Variants in CACNA1I observed in about 807,000 individuals in gnomAD.
The protein encoded by CACNA1I is calcium voltage-gated channel subunit alpha1 I.
A neutral mutation model predicts 201.6 loss-of-function variants in CACNA1I; 74 were observed. The ratio of observed to expected loss-of-function variants is 0.37; its 90% CI spans 0.30 to 0.45. The LOEUF is 0.45. Ranked by LOEUF, CACNA1I falls within the 20% of genes least tolerant of loss-of-function variation. The probability of loss-of-function intolerance (pLI) is 1.00; values close to 1 mark genes in which losing one functional copy is unlikely to be tolerated. For missense variants in CACNA1I, 2,346 were observed against 3,138.1 expected, an observed-to-expected ratio of 0.75 and a Z score of 6.03; for synonymous variants, 1,431 against 1,345.2, an observed-to-expected ratio of 1.06 and a Z score of -1.40.
chr22:39,677,467 C>T lies in CACNA1I; in HGVS notation c.4933+48C>T, dbSNP rs753474570. 7.5e-6 allele frequency: 10 copies of T among 1,329,670 alleles called. No homozygotes were observed. In the Admixed American group the frequency reaches 2.3e-4, roughly 31 times the overall value. The allele number at this position is 1,329,670 out of a possible 1,614,324, so 82.4% of individuals were successfully genotyped here. On this transcript the variant is annotated intron_variant, in intron 30 of 36. Coordinates refer to ENST00000402142, the MANE Select transcript of CACNA1I (RefSeq NM_021096.4). The surrounding 1 kb of genome is among the most constrained non-coding windows in gnomAD (Gnocchi z 4.8). Reference sequence around the variant, plus strand: ...CCGTGGTGGGGGTGCAGCAGGGCTGCAGGAGGAACTGGGGGGGCGGGGGAG... The same window carrying T: ...CCGTGGTGGGGGTGCAGCAGGGCTGTAGGAGGAACTGGGGGGGCGGGGGAG...
In CACNA1I at chr22:39,679,772, G is replaced by T. The variant is rs753671957; in HGVS notation, c.5445G>T (p.Glu1815Asp). ...CTTTAATCATCAAGGACTCCTTGGA[G>T]GGGGAGCTGACCATCATCGACAACC... ...SVSLIIKDSL[E>D]GELTIIDNLS... The change falls in exon 33 of 37, where the codon GAG becomes GAT. Residue 1815 changes from glutamate to aspartate, a missense_variant. By Grantham distance (45) the Glu-to-Asp change is conservative (BLOSUM62 2). This residue lies in a region of CACNA1I where 441 missense variants were observed against 555.6 expected (regional missense o/e 0.79). Transcript: ENST00000402142. The T allele has an allele frequency of 1.2e-6, 2 of 1,613,020 alleles. No individual in the cohort carries two copies. Among genetic ancestry groups the T allele is most frequent in the East Asian group, 2.2e-5 (1 of 44,856 alleles).
At position 39,641,110 on chromosome 22, in the gene CACNA1I, G is replaced by A. The variant is rs758711913; in HGVS notation, c.984G>A (p.Thr328=). The change falls in exon 6 of 37, where the codon ACG becomes ACA. Residue 328 remains threonine, a synonymous_variant. Transcript: ENST00000402142. ...ACCGTTACTACAATGTGTGCCGCAC[G>A]GGCAGCGCCAACCCCCACAAGGGTG... ...NWNRYYNVCR[T]GSANPHKGAI... 1.1e-5 allele frequency: 17 copies of A among 1,613,898 alleles called. No individual in the cohort carries two copies. The African/African-American group carries it at 1.5e-4, about 14-fold the overall frequency.
rs970004558 is a variant in CACNA1I at position 39,586,649 on chromosome 22, A to G, written c.237-11502A>G. Among the ~76,000 whole-genome samples, 4 of 152,208 alleles carry G rather than the reference A, an allele frequency of 2.6e-5. No individual in the cohort carries two copies. In the East Asian group the frequency reaches 7.7e-4, roughly 29 times the overall value. ...GAGAATGCCTGCTGCATCTGTGTGC[A>G]CACGTGTATAAGGGGTGCAGGTGCA... On this transcript the variant is annotated intron_variant, in intron 1 of 36. Coordinates refer to ENST00000402142, the MANE Select transcript of CACNA1I (RefSeq NM_021096.4).
rs1935830409 is a variant in CACNA1I at position 39,685,427 on chromosome 22, TGGG to T, written c.6028-330_6028-328del. Reference sequence around the variant, plus strand: ...CCAAGGCTGGGGCCGCGTCAGACCATGGGGGGTGCGGTGGGGGTGCCACGTGCC... The same window carrying T: ...CCAAGGCTGGGGCCGCGTCAGACCATGGGTGCGGTGGGGGTGCCACGTGCC... On this transcript the variant is annotated intron_variant, in intron 36 of 36. Transcript: ENST00000402142. The surrounding 1 kb of genome is among the most constrained non-coding windows in gnomAD (Gnocchi z 5.0). 2.0e-4 allele frequency among the ~76,000 whole-genome samples: 1 copy of T among 4,936 alleles called. No individual in the cohort carries two copies. The highest frequency in any genetic ancestry group is 5.1e-3 in the South Asian group (1 of 196). The allele number at this position is 4,936 out of a possible 152,430, so 3.2% of individuals were successfully genotyped here.
intron 1 of CACNA1I, 50 bp downstream of exon 1, chr22:39,571,038 G>T (rs747457243): frequency 1.3e-5 from 19 of 1,495,586 alleles, no homozygotes; most frequent in Middle Eastern, 3.4e-4. Flanking sequence ...GCTGAAGGGT[G>T]GGGGGCTGGA....
rs1934557076 is a variant in CACNA1I at position 39,648,476 on chromosome 22, C to T, written c.1567+550C>T. Reference sequence around the variant, plus strand: ...ACGAGAGTTGGCTGTCGCCCCACGTCCAGGTGGGAGCAGTGAGCCGGCGCT... The same window carrying T: ...ACGAGAGTTGGCTGTCGCCCCACGTTCAGGTGGGAGCAGTGAGCCGGCGCT... On this transcript the variant is annotated intron_variant, in intron 9 of 36. Coordinates refer to ENST00000402142, the MANE Select transcript of CACNA1I (RefSeq NM_021096.4). This position sits in a 1 kb window ranked among gnomAD's most constrained non-coding sequence, Gnocchi z 5.4. Among the ~76,000 whole-genome samples, 1 of 152,112 alleles carries T rather than the reference C, an allele frequency of 6.6e-6. No individual in the cohort carries two copies.
At position 39,649,149 on chromosome 22, in the gene CACNA1I, C is replaced by T. The variant is rs1934575425; in HGVS notation, c.1568-352C>T. ...CACATCTAGTTCCCAAGCTGCACGA[C>T]TGGGGCTCTGGGTCTGTTCCATGCT... On this transcript the variant is annotated intron_variant, in intron 9 of 36. Transcript: ENST00000402142. This position sits in a 1 kb window ranked among gnomAD's most constrained non-coding sequence, Gnocchi z 7.3. Among the ~76,000 whole-genome samples, 1 of 152,234 alleles carries T rather than the reference C, an allele frequency of 6.6e-6. No homozygotes were observed. Among genetic ancestry groups the T allele is most frequent in the South Asian group, 2.1e-4 (1 of 4,832 alleles).
chr22:39,647,754 T>C (rs1304945707), intron 8 of CACNA1I, 68 bp from the exon 9 acceptor site: 1 of 1,133,390 alleles, frequency 8.8e-7, no homozygotes, highest in Non-Finnish European at 1.3e-6. Context: ...GCCCTGTTGG[T>C]TGCCTCATCT....
chr22:39,626,710 C>T (rs1000713205), intron 4 of CACNA1I, among the ~76,000 whole-genome samples: 1 of 152,200 alleles, frequency 6.6e-6, no homozygotes, highest in East Asian at 1.9e-4. Flanking sequence ...GATTCTCCTG[C>T]CTCAGCCTCC....
chr22:39,607,529 A>G (rs960119437), intron 3 of CACNA1I, among the ~76,000 whole-genome samples: 4 of 152,220 alleles, frequency 2.6e-5, no homozygotes, highest in Non-Finnish European at 4.4e-5. Context: ...GCAGCCTCTA[A>G]TCAGGAGGAC....
chr22:39,591,222 C>T (rs555760495), intron 1 of CACNA1I, among the ~76,000 whole-genome samples: 166 of 148,606 alleles, frequency 1.1e-3, no homozygotes, highest in South Asian at 2.1e-3. Context: ...TGCAATGGCG[C>T]GATCTCAGCT....
At chr22:39,625,515 G>C (rs1408563949) in intron 4 of CACNA1I, among the ~76,000 whole-genome samples, 2 of 152,176 alleles carry the variant, frequency 1.3e-5, no homozygotes, top group African/African-American at 2.4e-5. Flanking sequence ...AACAAAGCAG[G>C]AGGATAAACT....
At chr22:39,680,764 G>A (rs938808739) in intron 33 of CACNA1I, among the ~76,000 whole-genome samples, 166 bp from the exon 34 acceptor site, 1 of 152,024 alleles carries the variant, frequency 6.6e-6, no homozygotes, top group Non-Finnish European at 1.5e-5. Context: ...CCCAGGCTGG[G>A]CCCCTGCACA....
rs117016960 is a variant in CACNA1I at position 39,671,288 on chromosome 22, C to T, written c.4539+334C>T. Reference sequence around the variant, plus strand: ...CTACATATATGAACTCTTTAATCCTCGCAGCAATCCTAAGGCTGGCAGGGG... The same window carrying T: ...CTACATATATGAACTCTTTAATCCTTGCAGCAATCCTAAGGCTGGCAGGGG... On this transcript the variant is annotated intron_variant, in intron 26 of 36. Transcript: ENST00000402142. Among the ~76,000 whole-genome samples the T allele has an allele frequency of 1.6e-4, 24 of 152,284 alleles. No individual in the cohort carries two copies. In the East Asian group the frequency reaches 1.9e-3, roughly 12 times the overall value.
At chr22:39,574,398 C>T (rs567564153) in intron 1 of CACNA1I, among the ~76,000 whole-genome samples, 17 of 152,004 alleles carry the variant, frequency 1.1e-4, no homozygotes, top group Non-Finnish European at 1.5e-4. Context: ...ACCCAGGAGA[C>T]GTGGCTGTCC....
intron 4 of CACNA1I, among the ~76,000 whole-genome samples, chr22:39,626,736 A>T (rs2146402809): frequency 6.6e-6 from 1 of 152,236 alleles, no homozygotes; most frequent in Non-Finnish European, 1.5e-5. Flanking sequence ...AGCTGGGACT[A>T]CAGGCGTGTG....
intron 6 of CACNA1I, among the ~76,000 whole-genome samples, chr22:39,642,446 C>T (rs761459711): frequency 1.1e-4 from 16 of 151,992 alleles, no homozygotes; most frequent in Non-Finnish European, 2.1e-4. Flanking sequence ...ACAGAAGAAG[C>T]GGCTGAGACT....
At position 39,676,491 on chromosome 22, in the gene CACNA1I, G is replaced by A. The variant is rs1362691560; in HGVS notation, c.4855-850G>A. Among the ~76,000 whole-genome samples, 18 of 152,208 alleles carry A rather than the reference G, an allele frequency of 1.2e-4. No individual in the cohort carries two copies. The highest frequency in any genetic ancestry group is 2.6e-4 in the Non-Finnish European group (18 of 68,034). ...GGTTCTAAGAGATATTTCATTTCTA[G>A]GGCAAGAATGTGTTTTAGCCTTATC... On this transcript the variant is annotated intron_variant, in intron 29 of 36. Transcript: ENST00000402142. The surrounding 1 kb of genome is among the most constrained non-coding windows in gnomAD (Gnocchi z 4.8).
chr22:39,625,565 G>A (rs112395308), intron 4 of CACNA1I, among the ~76,000 whole-genome samples: 2 of 152,170 alleles, frequency 1.3e-5, no homozygotes, highest in East Asian at 1.9e-4. Flanking sequence ...CAGGATGAGC[G>A]GGGGACATGG....
Sources: allele counts gnomAD v4.1 joint callset (sites outside exome capture counted in the v4.1 genomes callset), GRCh38; gene constraint gnomAD v4.1.1; regional missense constraint gnomAD v4.1.1; non-coding constraint Gnocchi (gnomAD v3.1); transcripts MANE v1.5; gene names NCBI Gene and HGNC (gene_info 2026-07-23, HGNC 2026-07-21).